PPP3CB: variants seen among roughly 807,000 people sequenced by gnomAD.
The protein encoded by PPP3CB is serine/threonine-protein phosphatase 2B catalytic subunit beta isoform.
PPP3CB carries 8 observed loss-of-function variants against 66.4 expected under a neutral mutation model. That is an observed-to-expected ratio of 0.12 (90% CI 0.07 to 0.22). The LOEUF (loss-of-function observed/expected upper bound fraction) is 0.22. Among genes scored for constraint, PPP3CB ranks in the 10% least tolerant of loss-of-function variants. The probability of loss-of-function intolerance (pLI) is 1.00; values close to 1 mark genes in which losing one functional copy is unlikely to be tolerated. For missense variants in PPP3CB, 319 were observed against 642.5 expected, an observed-to-expected ratio of 0.50 and a Z score of 5.44; for synonymous variants, 208 against 221.2, an observed-to-expected ratio of 0.94 and a Z score of 0.53.
chr10:73,473,687 C>T (rs1006591281), intron 4 of PPP3CB, among the ~76,000 whole-genome samples: 5 of 151,580 alleles, frequency 3.3e-5, no homozygotes, highest in Admixed American at 3.3e-4. Context: ...TAAAAAAGCA[C>T]AAAGGTTTGA....
At chr10:73,485,149 T>C (rs1309486641) in intron 1 of PPP3CB, among the ~76,000 whole-genome samples, 1 of 152,214 alleles carries the variant, frequency 6.6e-6, no homozygotes, top group African/African-American at 2.4e-5. Flanking sequence ...AACTGTTCTG[T>C]TGAAAATCTT....
chr10:73,485,137 C>A (rs1371783838), intron 1 of PPP3CB, among the ~76,000 whole-genome samples: 1 of 152,114 alleles, frequency 6.6e-6, no homozygotes, highest in African/African-American at 2.4e-5. Context: ...TCATTTTGAC[C>A]AAACTGTTCT....
intron 1 of PPP3CB, among the ~76,000 whole-genome samples, chr10:73,489,941 C>T (rs989747491): frequency 1.3e-5 from 2 of 152,166 alleles, no homozygotes; most frequent in Non-Finnish European, 2.9e-5. Context: ...CGCTTTCCCT[C>T]AAAGTAAGAT....
intron 9 of PPP3CB, among the ~76,000 whole-genome samples, chr10:73,460,062 G>A (rs1332486925): frequency 6.6e-6 from 1 of 152,070 alleles, no homozygotes; most frequent in South Asian, 2.1e-4. Flanking sequence ...CTGTGTTATG[G>A]CTAGAACGAA....
chr10:73,448,359 T>G (rs766946539), intron 10 of PPP3CB, among the ~76,000 whole-genome samples: 5 of 152,044 alleles, frequency 3.3e-5, no homozygotes, highest in African/African-American at 7.2e-5. Context: ...TGGGAAATAA[T>G]AGACAATCAA....
rs1014930661 is a variant in PPP3CB, at chr10:73,439,036, C to T, written c.1397-616G>A. Reference sequence around the variant, plus strand: ...GATAGCAAAAAAGTATTTATAATCTCGTAATTTAGAAGATGTTCTCCTTAA... The same window carrying T: ...GATAGCAAAAAAGTATTTATAATCTTGTAATTTAGAAGATGTTCTCCTTAA... On this transcript the variant is annotated intron_variant, in intron 13 of 13. Transcript: ENST00000360663. Among the ~76,000 whole-genome samples the T allele has an allele frequency of 5.3e-5, 8 of 152,100 alleles. No individual in the cohort carries two copies. In the East Asian group the frequency reaches 7.7e-4, roughly 15 times the overall value.
At position 73,470,796 on chromosome 10, in the gene PPP3CB, GC is replaced by G. The variant is rs2056690051; in HGVS notation, c.888-16del. On this transcript the variant is annotated splice_polypyrimidine_tract_variant and intron_variant, in intron 7 of 13. Transcript: ENST00000360663. ...ACATTCTATAGCTGCAAAACAAATAGCTTAATATGCATCGTAAAGCATCAAT... is the reference window on the plus strand; with the variant it reads ...ACATTCTATAGCTGCAAAACAAATAGTTAATATGCATCGTAAAGCATCAAT... 7 of 1,589,482 alleles carry G rather than the reference GC, an allele frequency of 4.4e-6. No individual in the cohort carries two copies. The Admixed American group carries it at 5.1e-5, about 12-fold the overall frequency.
At chr10:73,471,279 A>G in intron 5 of PPP3CB, 70 bp from the exon 6 acceptor site, 1 of 1,461,990 alleles carries the variant, frequency 6.8e-7, no homozygotes, top group Non-Finnish European at 9.3e-7. Context: ...GCATAGGAAA[A>G]CGATACCAAC....
chr10:73,452,695 C>CAA (rs1246405444), intron 10 of PPP3CB, among the ~76,000 whole-genome samples: 2 of 86,314 alleles, frequency 2.3e-5, no homozygotes, highest in Non-Finnish European at 2.4e-5. Context: ...GACTCTGTCT[C>CAA]AAAAAAAAAA....
At chr10:73,482,347 A>C (rs980180277) in intron 1 of PPP3CB, among the ~76,000 whole-genome samples, 1 of 151,826 alleles carries the variant, frequency 6.6e-6, no homozygotes, top group Non-Finnish European at 1.5e-5. Context: ...TTTTAAGACC[A>C]CCCTGGTCAA....
intron 9 of PPP3CB, among the ~76,000 whole-genome samples, chr10:73,460,789 G>A (rs1034608110): frequency 6.6e-6 from 1 of 152,238 alleles, no homozygotes; most frequent in Non-Finnish European, 1.5e-5. Flanking sequence ...GCCAGGGACT[G>A]CTCCAGCACC....
chr10:73,472,589 T>G (rs1388679716), intron 4 of PPP3CB, among the ~76,000 whole-genome samples: 1 of 151,760 alleles, frequency 6.6e-6, no homozygotes, highest in Non-Finnish European at 1.5e-5. Context: ...TACTTGAGGT[T>G]AAAATCATTT....
chr10:73,443,414 TAAATTCATTCAAAACGTTA>T (rs1378457292), intron 12 of PPP3CB, among the ~76,000 whole-genome samples: 1 of 152,138 alleles, frequency 6.6e-6, no homozygotes, highest in Non-Finnish European at 1.5e-5. Context: ...AAGTCAAATG[TAAATTCATTCAAAACGTTA>T]AAATTGCCTA....
chr10:73,446,355 A>G, intron 11 of PPP3CB, 137 bp downstream of exon 11: 1 of 786,124 alleles, frequency 1.3e-6, no homozygotes, highest in South Asian at 1.6e-5. Flanking sequence ...CCGCCTTGGC[A>G]TCCCAAAATG....
At chr10:73,447,032 A>T (rs1396403050) in intron 10 of PPP3CB, among the ~76,000 whole-genome samples, 2 of 152,230 alleles carry the variant, frequency 1.3e-5, no homozygotes, top group Non-Finnish European at 2.9e-5. Flanking sequence ...TTTGACATGC[A>T]GGCTGACAAT....
intron 1 of PPP3CB, among the ~76,000 whole-genome samples, chr10:73,487,791 T>G (rs1451040444): frequency 6.6e-6 from 1 of 151,554 alleles, no homozygotes; most frequent in Admixed American, 6.6e-5. Context: ...TTTTTGTTTT[T>G]TTTTTTTCCA....
intron 11 of PPP3CB, among the ~76,000 whole-genome samples, chr10:73,445,193 G>A (rs1402137099): frequency 1.3e-5 from 2 of 152,042 alleles, no homozygotes; most frequent in Non-Finnish European, 1.5e-5. Context: ...CCTTTAACCT[G>A]GTCTTCCTGA....
At chr10:73,471,416 C>T in intron 5 of PPP3CB, 52 bp downstream of exon 5, 1 of 1,531,720 alleles carries the variant, frequency 6.5e-7, no homozygotes, top group Non-Finnish European at 8.8e-7. Context: ...CTGCTCTACT[C>T]AACAATGTAC....
chr10:73,456,152 T>C (rs1018817986), intron 9 of PPP3CB, among the ~76,000 whole-genome samples: 1 of 152,228 alleles, frequency 6.6e-6, no homozygotes, highest in African/African-American at 2.4e-5. Context: ...TCAATACTTC[T>C]ACAAACCACT....
Sources: allele counts gnomAD v4.1 joint callset (sites outside exome capture counted in the v4.1 genomes callset), GRCh38; gene constraint gnomAD v4.1.1; transcripts MANE v1.5; gene names NCBI Gene and HGNC (gene_info 2026-07-23, HGNC 2026-07-21).